KIAA1958: variants seen among roughly 807,000 people sequenced by gnomAD.
KIAA1958 encodes the protein KIAA1958, also known as uncharacterized protein KIAA1958.
KIAA1958 carries 14 observed loss-of-function variants against 47.2 expected under a neutral mutation model. The ratio of observed to expected loss-of-function variants is 0.30; its 90% CI spans 0.20 to 0.46. The LOEUF (loss-of-function observed/expected upper bound fraction) is 0.46, where lower values mean the gene tolerates loss of function less well. Ranked by LOEUF, KIAA1958 falls within the 20% of genes least tolerant of loss-of-function variation. The pLI is 1.00. For missense variants in KIAA1958, 803 were observed against 909.2 expected (o/e 0.88, Z 1.50); for synonymous variants, 354 against 353.3 (o/e 1.00, Z -0.02).
chr9:112,487,899 AT>A (rs1484149661), intron 1 of KIAA1958, among the ~76,000 whole-genome samples: 3 of 151,822 alleles, frequency 2.0e-5, no homozygotes, highest in Non-Finnish European at 2.9e-5. Context: ...TTTAAAAAAA[AT>A]GAACGTGGCT....
chr9:112,581,820 C>A, intron 2 of KIAA1958: 1 of 232,094 alleles, frequency 4.3e-6, no homozygotes, highest in South Asian at 7.3e-5. Flanking sequence ...TGCAGCCACC[C>A]AAGAACACCA....
chr9:112,547,649 T>C (rs1835063364), intron 1 of KIAA1958, among the ~76,000 whole-genome samples: 1 of 152,080 alleles, frequency 6.6e-6, no homozygotes, highest in African/African-American at 2.4e-5. Context: ...CTGAAAGAAA[T>C]TGAAGTATTT....
At chr9:112,659,152 C>A in intron 3 of KIAA1958, 111 bp from the exon 4 acceptor site, 1 of 842,858 alleles carries the variant, frequency 1.2e-6, no homozygotes, top group Non-Finnish European at 1.9e-6. Context: ...TTGTGTCCTG[C>A]TAAGGGGTCA....
intron 1 of KIAA1958, among the ~76,000 whole-genome samples, chr9:112,568,367 G>A (rs981823290): frequency 1.3e-5 from 2 of 152,164 alleles, no homozygotes; most frequent in African/African-American, 4.8e-5. Context: ...CACAAATGCA[G>A]ATGTATGAAA....
intron 1 of KIAA1958, among the ~76,000 whole-genome samples, chr9:112,490,359 TC>T (rs1044538484): frequency 3.3e-5 from 5 of 152,220 alleles, no homozygotes; most frequent in Non-Finnish European, 5.9e-5. Flanking sequence ...TTTCTTTTTT[TC>T]CTTTAAAAAA....
At chr9:112,509,710 A>C (rs1197753690) in intron 1 of KIAA1958, among the ~76,000 whole-genome samples, 1 of 152,234 alleles carries the variant, frequency 6.6e-6, no homozygotes, top group Non-Finnish European at 1.5e-5. Context: ...ATAAGATGAA[A>C]GTTTGAAGTG....
At chr9:112,538,192 A>T (rs1002759454) in intron 1 of KIAA1958, among the ~76,000 whole-genome samples, 1 of 152,024 alleles carries the variant, frequency 6.6e-6, no homozygotes, top group African/African-American at 2.4e-5. Flanking sequence ...AAAAATAAAT[A>T]AAAATAGCCA....
chr9:112,626,240 G>C (rs1002056457), intron 2 of KIAA1958, among the ~76,000 whole-genome samples: 1 of 152,094 alleles, frequency 6.6e-6, no homozygotes, highest in African/African-American at 2.4e-5. Flanking sequence ...TTCTCATCTT[G>C]CTTACTCTTC....
intron 2 of KIAA1958, among the ~76,000 whole-genome samples, chr9:112,600,874 G>A (rs539272162): frequency 1.3e-5 from 2 of 152,322 alleles, no homozygotes; most frequent in Admixed American, 6.5e-5. Context: ...ACTGAGCTAA[G>A]TGGCTTACTT....
chr9:112,575,871 G>A (rs983169492), intron 2 of KIAA1958, among the ~76,000 whole-genome samples: 15 of 152,156 alleles, frequency 9.9e-5, no homozygotes, highest in African/African-American at 2.9e-4. Context: ...ATAATTGTAC[G>A]AGGCCCCTGC....
chr9:112,600,404 C>G (rs1836110279), intron 2 of KIAA1958, among the ~76,000 whole-genome samples: 1 of 152,178 alleles, frequency 6.6e-6, no homozygotes, highest in East Asian at 1.9e-4. Flanking sequence ...GGGGAAGGAA[C>G]CATTGAGGAA....
At position 112,576,815 on chromosome 9, in the gene KIAA1958, GT is replaced by G. The variant is rs1185857759; in HGVS notation, c.1171+1569del. 2.0e-5 allele frequency among the ~76,000 whole-genome samples: 3 copies of G among 152,112 alleles called. No homozygotes were observed. In the East Asian group the frequency reaches 5.8e-4, roughly 29 times the overall value. Reference sequence around the variant, plus strand: ...TGCTGCTGTGAACATTTGTGAACAGGTTTTTGTGTGGGTGTGTATGTTTATC... The same window carrying G: ...TGCTGCTGTGAACATTTGTGAACAGGTTTTGTGTGGGTGTGTATGTTTATC... On this transcript the variant is annotated intron_variant, in intron 2 of 3. Transcript: ENST00000337530.
At chr9:112,573,848 A>C (rs1009436349) in intron 1 of KIAA1958, among the ~76,000 whole-genome samples, 2 of 152,150 alleles carry the variant, frequency 1.3e-5, no homozygotes, top group African/African-American at 2.4e-5. Flanking sequence ...TTTTTCTCCA[A>C]ATCCCACAAC....
chr9:112,529,841 AC>A (rs1000905321), intron 1 of KIAA1958, among the ~76,000 whole-genome samples: 1 of 13,654 alleles, frequency 7.3e-5, no homozygotes, highest in Non-Finnish European at 1.2e-4. Context: ...GACTCCTCTT[AC>A]TTTTTTTTTT....
At chr9:112,642,107 A>G (rs1373320102) in intron 2 of KIAA1958, among the ~76,000 whole-genome samples, 2 of 152,200 alleles carry the variant, frequency 1.3e-5, no homozygotes, top group South Asian at 2.1e-4. Flanking sequence ...TTGATCATTA[A>G]TGGTAATTGA....
chr9:112,557,758 A>G (rs777059725), intron 1 of KIAA1958, among the ~76,000 whole-genome samples: 17 of 152,246 alleles, frequency 1.1e-4, no homozygotes, highest in South Asian at 4.1e-4. Context: ...AACTTACGAC[A>G]TGAAAAACAA....
At chr9:112,551,346 C>T (rs1473836083) in intron 1 of KIAA1958, among the ~76,000 whole-genome samples, 1 of 152,156 alleles carries the variant, frequency 6.6e-6, no homozygotes, top group African/African-American at 2.4e-5. Flanking sequence ...CCAGGCACCT[C>T]ATATGTAAGT....
chr9:112,499,084 TA>T (rs767954180), intron 1 of KIAA1958, among the ~76,000 whole-genome samples: 4 of 152,258 alleles, frequency 2.6e-5, no homozygotes, highest in Non-Finnish European at 4.4e-5. Context: ...CTTTCCTTTT[TA>T]TGGATAAATA....
chr9:112,530,766 G>T (rs1376051366), intron 1 of KIAA1958, among the ~76,000 whole-genome samples: 2 of 152,152 alleles, frequency 1.3e-5, no homozygotes, highest in Non-Finnish European at 2.9e-5. Flanking sequence ...TGCTGGAAGT[G>T]TTTCAGTGAT....
Sources: gnomAD v4.1 joint callset for allele counts (sites outside exome capture counted in the v4.1 genomes callset) on GRCh38, gnomAD v4.1.1 for gene constraint, MANE v1.5 for transcripts, NCBI Gene and HGNC (gene_info 2026-07-23, HGNC 2026-07-21) for gene names.